The following NPFFR2 variants were observed in gnomAD, a reference collection of about 807,000 sequenced individuals.
NPFFR2 encodes the protein neuropeptide FF receptor 2.
A neutral mutation model predicts 13.1 loss-of-function variants in NPFFR2; 15 were observed. The observed-to-expected ratio is 1.15, with a 90% CI of 0.77 to 1.76. The LOEUF (loss-of-function observed/expected upper bound fraction) is 1.76, where lower values mean the gene tolerates loss of function less well. Ranked by LOEUF, NPFFR2 falls within the 40% of genes most tolerant of loss-of-function variation. NPFFR2 has a pLI of 0.00. For synonymous variants in NPFFR2, 190 were observed against 175.7 expected (o/e 1.08, Z -0.65); for missense variants, 572 against 503.5 (o/e 1.14, Z -1.30).
intron 1 of NPFFR2, among the ~76,000 whole-genome samples, chr4:72,079,692 A>T (rs1046336166): frequency 6.6e-6 from 1 of 152,192 alleles, no homozygotes; most frequent in African/African-American, 2.4e-5. Context: ...GGGGGACAGT[A>T]TGTTCAAACT....
At chr4:72,039,529 T>C (rs573688543) in intron 1 of NPFFR2, 57 of 331,264 alleles carry the variant, frequency 1.7e-4, no homozygotes, top group Non-Finnish European at 2.2e-4. Context: ...TATATGCATC[T>C]TGTTTTCTAA....
chr4:72,077,337 C>G (rs1270029389), intron 1 of NPFFR2, among the ~76,000 whole-genome samples: 4 of 152,130 alleles, frequency 2.6e-5, no homozygotes, highest in Non-Finnish European at 5.9e-5. Flanking sequence ...CTACCACTAT[C>G]ATCTCTTCTA....
At chr4:72,081,591 G>A (rs1380899842) in intron 1 of NPFFR2, among the ~76,000 whole-genome samples, 1 of 151,350 alleles carries the variant, frequency 6.6e-6, no homozygotes, top group Non-Finnish European at 1.5e-5. Context: ...AGGCTCAAGC[G>A]ATTCTCCCAC....
At chr4:72,070,549 GTGTGTGTGTGT>G (rs1720213795) in intron 1 of NPFFR2, among the ~76,000 whole-genome samples, 1 of 2,422 alleles carries the variant, frequency 4.1e-4, no homozygotes, top group East Asian at 8.6e-3. Flanking sequence ...TATCGTGTGT[GTGTGTGTGTGT>G]GGGGGGGGGG....
rs1718944241 is a variant in NPFFR2 at position 72,032,215 on chromosome 4, C to A, written c.-8+15C>A. On this transcript the variant is annotated intron_variant, in intron 1 of 3. Transcript: ENST00000308744. The stretch of plus-strand genomic sequence containing the variant: ...CGCCGGGAGAGGTAACAGCATGGGC[C>A]AGTTTGTCTGGGGGCCCCCGCTTGG... The A allele has an allele frequency of 6.3e-7, 1 of 1,588,030 alleles. No homozygotes were observed.
intron 1 of NPFFR2, among the ~76,000 whole-genome samples, chr4:72,064,814 A>G (rs765584347): frequency 7.9e-5 from 12 of 152,192 alleles, no homozygotes; most frequent in Admixed American, 2.0e-4. Flanking sequence ...GGTAGGATAC[A>G]TTGATCCCTG....
chr4:72,139,644 T>C (rs1043193868), intron 3 of NPFFR2, among the ~76,000 whole-genome samples: 3 of 152,064 alleles, frequency 2.0e-5, no homozygotes, highest in African/African-American at 7.2e-5. Flanking sequence ...ACTACCATGC[T>C]GTTTTGGTTA....
chr4:72,137,050 C>G (rs908504337), intron 2 of NPFFR2, among the ~76,000 whole-genome samples: 4 of 152,096 alleles, frequency 2.6e-5, no homozygotes, highest in Non-Finnish European at 5.9e-5. Flanking sequence ...ACAAATAATA[C>G]TATCATAAGC....
At chr4:72,115,970 A>C (rs771329230) in intron 1 of NPFFR2, among the ~76,000 whole-genome samples, 3 of 152,228 alleles carry the variant, frequency 2.0e-5, no homozygotes, top group Non-Finnish European at 4.4e-5. Flanking sequence ...AAACTGTAGT[A>C]TTCTAATACA....
At chr4:72,081,693 G>A (rs1720626768) in intron 1 of NPFFR2, among the ~76,000 whole-genome samples, 1 of 151,862 alleles carries the variant, frequency 6.6e-6, no homozygotes, top group South Asian at 2.1e-4. Flanking sequence ...ATCTTGCTAT[G>A]TTGCCTAAGC....
intron 1 of NPFFR2, among the ~76,000 whole-genome samples, chr4:72,051,252 C>G (rs1309023437): frequency 6.6e-6 from 1 of 151,930 alleles, no homozygotes; most frequent in Non-Finnish European, 1.5e-5. Context: ...AAGTAAAGCT[C>G]TCCTCAGCAA....
intron 1 of NPFFR2, among the ~76,000 whole-genome samples, chr4:72,122,491 C>T (rs1721912185): frequency 6.6e-6 from 1 of 152,144 alleles, no homozygotes; most frequent in Non-Finnish European, 1.5e-5. Flanking sequence ...AAATTGACCA[C>T]ATAATTGGAA....
intron 1 of NPFFR2, among the ~76,000 whole-genome samples, chr4:72,072,134 A>C (rs1720275266): frequency 6.6e-6 from 1 of 152,118 alleles, no homozygotes; most frequent in South Asian, 2.1e-4. Flanking sequence ...TTGCTGTACC[A>C]TTAGATTAAC....
At chr4:72,042,397 C>T (rs1274256088) in intron 1 of NPFFR2, among the ~76,000 whole-genome samples, 1 of 152,082 alleles carries the variant, frequency 6.6e-6, no homozygotes, top group Non-Finnish European at 1.5e-5. Context: ...TATTAATATC[C>T]AGAATGGGGT....
At chr4:72,131,523 C>A (rs1722242924) in intron 2 of NPFFR2, among the ~76,000 whole-genome samples, 1 of 151,492 alleles carries the variant, frequency 6.6e-6, no homozygotes, top group Non-Finnish European at 1.5e-5. Context: ...GTGCAGCGCA[C>A]CAGCATGGCA....
intron 1 of NPFFR2, among the ~76,000 whole-genome samples, chr4:72,035,265 G>A (rs1370255074): frequency 6.6e-6 from 1 of 152,194 alleles, no homozygotes; most frequent in Non-Finnish European, 1.5e-5. Context: ...ACAGTGTCTA[G>A]TACATAGAAG....
chr4:72,055,073 C>A (rs1719703506), intron 1 of NPFFR2, among the ~76,000 whole-genome samples: 2 of 151,790 alleles, frequency 1.3e-5, no homozygotes. Context: ...TGCAAAACAT[C>A]AATGAATCTT....
rs761845276 is a variant in NPFFR2 at position 72,147,420 on chromosome 4, T to C, written c.871T>C (p.Trp291Arg). Reference sequence around the variant, plus strand: ...TTTTATTCTCTCATGGCTGCCCCTGTGGACTCTAATGATGCTCTCAGACTA... The same window carrying C: ...TTTTATTCTCTCATGGCTGCCCCTGCGGACTCTAATGATGCTCTCAGACTA... ...LLFILSWLPL[W>R]TLMMLSDYAD... The change falls in exon 4 of 4, where the codon TGG (tryptophan) becomes CGG (arginine). Residue 291 changes from tryptophan to arginine, a missense_variant. Transcript: ENST00000308744. 1.2e-6 allele frequency: 2 copies of C among 1,614,140 alleles called. No individual in the cohort carries two copies. The highest frequency in any genetic ancestry group is 2.2e-5 in the South Asian group (2 of 91,086).
At chr4:72,127,860 A>G (rs540219388) in intron 1 of NPFFR2, among the ~76,000 whole-genome samples, 9 of 151,950 alleles carry the variant, frequency 5.9e-5, no homozygotes, top group Admixed American at 2.0e-4. Flanking sequence ...TGGGTGGATC[A>G]CTCGAACTCA....
Sources: gnomAD v4.1 joint callset for allele counts (sites outside exome capture counted in the v4.1 genomes callset) on GRCh38, gnomAD v4.1.1 for gene constraint, MANE v1.5 for transcripts, NCBI Gene and HGNC (gene_info 2026-07-23, HGNC 2026-07-21) for gene names.